YWHAQ: variants seen among roughly 807,000 people sequenced by gnomAD.
The protein encoded by YWHAQ is 14-3-3 protein theta.
Under a neutral mutation model 28.3 loss-of-function variants are expected in YWHAQ, and 6 were observed. The observed-to-expected ratio is 0.21, with a 90% confidence interval of 0.12 to 0.42. The LOEUF (loss-of-function observed/expected upper bound fraction) is 0.42, where lower values mean the gene tolerates loss of function less well. Among genes scored for constraint, YWHAQ ranks in the 10% least tolerant of loss-of-function variants. The pLI, the probability that YWHAQ is intolerant of heterozygous loss-of-function variation, is 1.00. For synonymous variants in YWHAQ, 143 were observed against 119.1 expected (o/e 1.20, Z -1.31); for missense variants, 201 against 305.6 (o/e 0.66, Z 2.55).
At chr2:9,599,977 T>A (rs1666655452) in intron 2 of YWHAQ, among the ~76,000 whole-genome samples, 1 of 152,186 alleles carries the variant, frequency 6.6e-6, no homozygotes, top group Admixed American at 6.5e-5. Context: ...AGAAGATTTG[T>A]GATTCATGGG....
Position 9,600,666 on chromosome 2 carries a change from T to C in YWHAQ, c.295-9151A>G, listed in dbSNP as rs187231272. Reference sequence around the variant, plus strand: ...GTTGTGGTGAGCCGAGGTCGCGCCATTGCACTCCAGCCTGGGCAACAAGAG... The same window carrying C: ...GTTGTGGTGAGCCGAGGTCGCGCCACTGCACTCCAGCCTGGGCAACAAGAG... On this transcript the variant is annotated intron_variant, in intron 2 of 5. Coordinates refer to ENST00000238081, the MANE Select transcript of YWHAQ (RefSeq NM_006826.4). 2.9e-3 allele frequency among the ~76,000 whole-genome samples: 443 copies of C among 151,908 alleles called. 4 individuals are homozygous for C. The highest frequency in any genetic ancestry group is 0.01 in the African/African-American group (425 of 41,416).
chr2:9,617,107 C>T (rs1667054008), intron 2 of YWHAQ, among the ~76,000 whole-genome samples: 1 of 151,320 alleles, frequency 6.6e-6, no homozygotes, highest in South Asian at 2.1e-4. Flanking sequence ...ACTACAGGTG[C>T]CTGCCACTAC....
At chr2:9,618,519 T>C (rs1251896642) in intron 2 of YWHAQ, among the ~76,000 whole-genome samples, 2 of 152,176 alleles carry the variant, frequency 1.3e-5, no homozygotes, top group African/African-American at 2.4e-5. Context: ...TTTCATTTTC[T>C]TTTTTGAGAC....
chr2:9,589,048 G>T (rs76039712), intron 3 of YWHAQ, among the ~76,000 whole-genome samples: 1,727 of 152,168 alleles, frequency 0.011, 34 homozygotes, highest in African/African-American at 0.04. Context: ...CTTGAGCCCA[G>T]GAGGTTGAAG....
intron 2 of YWHAQ, among the ~76,000 whole-genome samples, chr2:9,622,389 T>C (rs574473982): frequency 6.6e-6 from 1 of 152,354 alleles, no homozygotes; most frequent in Admixed American, 6.5e-5. Context: ...AATTCAATCA[T>C]ATTGTAGTAT....
At chr2:9,621,226 C>T (rs1486311524) in intron 2 of YWHAQ, among the ~76,000 whole-genome samples, 1 of 152,028 alleles carries the variant, frequency 6.6e-6, no homozygotes, top group Non-Finnish European at 1.5e-5. Flanking sequence ...CAGAGTATGG[C>T]CAATTAAGAC....
At chr2:9,612,717 G>C (rs1666973253) in intron 2 of YWHAQ, among the ~76,000 whole-genome samples, 1 of 152,132 alleles carries the variant, frequency 6.6e-6, no homozygotes, top group South Asian at 2.1e-4. Context: ...GCAGGTATTG[G>C]GAGGAAAGTT....
At chr2:9,585,846 G>C (rs1203294004) in intron 5 of YWHAQ, among the ~76,000 whole-genome samples, 1 of 150,518 alleles carries the variant, frequency 6.6e-6, no homozygotes, top group Non-Finnish European at 1.5e-5. Context: ...CCAGGAGGTT[G>C]AGGCTGGAGT....
intron 2 of YWHAQ, among the ~76,000 whole-genome samples, chr2:9,594,778 GA>G (rs1666532570): frequency 6.6e-6 from 1 of 152,174 alleles, no homozygotes; most frequent in Non-Finnish European, 1.5e-5. Flanking sequence ...CAGGGGCTGA[GA>G]AAAGTCTGAC....
intron 2 of YWHAQ, among the ~76,000 whole-genome samples, chr2:9,597,386 G>A (rs576262208): frequency 3.2e-4 from 49 of 152,226 alleles, no homozygotes; most frequent in African/African-American, 9.4e-4. Context: ...AGTGGCTCAC[G>A]CCTATAATGC....
intron 2 of YWHAQ, among the ~76,000 whole-genome samples, chr2:9,622,860 T>C (rs1398129032): frequency 2.0e-5 from 3 of 152,238 alleles, no homozygotes; most frequent in Non-Finnish European, 2.9e-5. Context: ...AAAGTAGCAA[T>C]GGATAAACTT....
At chr2:9,610,323 T>C (rs1666918514) in intron 2 of YWHAQ, among the ~76,000 whole-genome samples, 1 of 152,218 alleles carries the variant, frequency 6.6e-6, no homozygotes, top group South Asian at 2.1e-4. Context: ...TTTCTTCATC[T>C]GTAAAACAGT....
chr2:9,601,123 C>T (rs1666684042), intron 2 of YWHAQ, among the ~76,000 whole-genome samples: 1 of 152,122 alleles, frequency 6.6e-6, no homozygotes, highest in Non-Finnish European at 1.5e-5. Flanking sequence ...AGAAATATCC[C>T]ACTTTGGAAG....
At chr2:9,618,205 T>TA (rs546991900) in intron 2 of YWHAQ, among the ~76,000 whole-genome samples, 1 of 152,098 alleles carries the variant, frequency 6.6e-6, no homozygotes, top group African/African-American at 2.4e-5. Context: ...GTGAATAAAC[T>TA]AAAAACCACA....
intron 2 of YWHAQ, among the ~76,000 whole-genome samples, chr2:9,602,829 TAAAAA>T (rs869073430): frequency 4.3e-4 from 16 of 37,208 alleles, no homozygotes; most frequent in East Asian, 6.0e-3. Flanking sequence ...ATGCCTAATT[TAAAAA>T]AAAAAAAAAA....
At chr2:9,606,747 T>C (rs1666838327) in intron 2 of YWHAQ, among the ~76,000 whole-genome samples, 1 of 152,132 alleles carries the variant, frequency 6.6e-6, no homozygotes, top group South Asian at 2.1e-4. Flanking sequence ...TGAGTGTATA[T>C]CCTTTGCCCT....
At chr2:9,616,461 A>C (rs1304135522) in intron 2 of YWHAQ, among the ~76,000 whole-genome samples, 1 of 150,982 alleles carries the variant, frequency 6.6e-6, no homozygotes, top group Non-Finnish European at 1.5e-5. Flanking sequence ...AAAAAAAAGG[A>C]CTTCAAAATT....
chr2:9,625,197 G>C (rs1450270684), intron 2 of YWHAQ, among the ~76,000 whole-genome samples: 5 of 151,504 alleles, frequency 3.3e-5, no homozygotes, highest in Middle Eastern at 3.2e-3. Context: ...GGGAGACAGA[G>C]GTTGCAGTGA....
chr2:9,586,680 T>C (rs1666349294), intron 5 of YWHAQ, among the ~76,000 whole-genome samples: 1 of 152,186 alleles, frequency 6.6e-6, no homozygotes, highest in African/African-American at 2.4e-5. Context: ...CAAAATTGAA[T>C]AGACATGGTG....
Sources: allele counts gnomAD v4.1 joint callset (sites outside exome capture counted in the v4.1 genomes callset), GRCh38; gene constraint gnomAD v4.1.1; transcripts MANE v1.5; gene names NCBI Gene and HGNC (gene_info 2026-07-23, HGNC 2026-07-21).